The following RELN variants were observed in gnomAD, a reference collection of about 807,000 sequenced individuals.
RELN encodes the protein reelin.
RELN carries 108 observed loss-of-function variants against 427.6 expected under a neutral mutation model. The ratio of observed to expected loss-of-function variants is 0.25; its 90% CI spans 0.22 to 0.30. The LOEUF (loss-of-function observed/expected upper bound fraction) is 0.30, where lower values mean the gene tolerates loss of function less well. Ranked by LOEUF, RELN falls within the 10% of genes least tolerant of loss-of-function variation. The probability of loss-of-function intolerance (pLI) is 1.00; values close to 1 mark genes in which losing one functional copy is unlikely to be tolerated. For missense variants in RELN, 3,715 were observed against 4,302.8 expected (o/e 0.86, Z 3.82); for synonymous variants, 1,524 against 1,513.4 (o/e 1.01, Z -0.16).
intron 4 of RELN, among the ~76,000 whole-genome samples, chr7:103,775,791 A>G (rs1791723038): frequency 6.6e-6 from 1 of 152,230 alleles, no homozygotes; most frequent in Non-Finnish European, 1.5e-5. Context: ...AATGACTTAC[A>G]CGGTAAGCTC....
chr7:103,969,973 AT>A (rs1411781845), intron 1 of RELN, among the ~76,000 whole-genome samples: 1 of 152,064 alleles, frequency 6.6e-6, no homozygotes, highest in African/African-American at 2.4e-5. Flanking sequence ...TTATTTACGA[AT>A]TTATCTGTAA....
chr7:103,771,391 T>C (rs865834044), intron 4 of RELN, among the ~76,000 whole-genome samples: 2 of 152,074 alleles, frequency 1.3e-5, no homozygotes, highest in African/African-American at 4.8e-5. Flanking sequence ...TCCTGCCCAG[T>C]CACTGGTCTT....
intron 3 of RELN, among the ~76,000 whole-genome samples, chr7:103,816,261 C>T (rs140392759): frequency 6.6e-6 from 1 of 152,220 alleles, no homozygotes; most frequent in South Asian, 2.1e-4. Context: ...CACCTGTAAT[C>T]CCAGCTACTC....
chr7:103,590,606 A>T (rs1439146340), intron 27 of RELN, among the ~76,000 whole-genome samples: 1 of 148,744 alleles, frequency 6.7e-6, no homozygotes. Context: ...ATAAATATAA[A>T]ATAAAATCAG....
At chr7:103,776,174 A>G (rs1791737393) in intron 4 of RELN, among the ~76,000 whole-genome samples, 1 of 152,236 alleles carries the variant, frequency 6.6e-6, no homozygotes, top group Non-Finnish European at 1.5e-5. Flanking sequence ...ATAATCATGT[A>G]TAATATGATC....
At chr7:103,801,866 C>T (rs1374546233) in intron 3 of RELN, among the ~76,000 whole-genome samples, 2 of 152,060 alleles carry the variant, frequency 1.3e-5, no homozygotes, top group East Asian at 3.9e-4. Flanking sequence ...GTGTTAGCCA[C>T]AATAATAATT....
intron 11 of RELN, among the ~76,000 whole-genome samples, chr7:103,670,771 A>G (rs1833374132): frequency 6.6e-6 from 1 of 152,078 alleles, no homozygotes; most frequent in South Asian, 2.1e-4. Flanking sequence ...TATTAAGAAT[A>G]TGAACATAGG....
intron 10 of RELN, among the ~76,000 whole-genome samples, chr7:103,688,736 A>G (rs530769725): frequency 6.6e-6 from 1 of 152,220 alleles, no homozygotes; most frequent in African/African-American, 2.4e-5. Flanking sequence ...CTTATTCAGG[A>G]CTGGAGACTT....
chr7:103,613,889 A>C (rs984565337), intron 20 of RELN, among the ~76,000 whole-genome samples: 20 of 152,210 alleles, frequency 1.3e-4, no homozygotes, highest in African/African-American at 4.3e-4. Flanking sequence ...GCATCTTGTA[A>C]ATTTCTCCCT....
chr7:103,579,034 C>T (rs1250168210), intron 28 of RELN, among the ~76,000 whole-genome samples: 1 of 152,226 alleles, frequency 6.6e-6, no homozygotes, highest in African/African-American at 2.4e-5. Flanking sequence ...AAAGCATCTA[C>T]AGCACGCTAG....
At chr7:103,802,229 G>C (rs373605166) in intron 3 of RELN, among the ~76,000 whole-genome samples, 8 of 152,068 alleles carry the variant, frequency 5.3e-5, no homozygotes, top group Admixed American at 3.3e-4. Context: ...TTAGTCACAG[G>C]GTCTTGCAAA....
At chr7:103,614,802 G>C (rs1481452050) in intron 20 of RELN, among the ~76,000 whole-genome samples, 1 of 152,138 alleles carries the variant, frequency 6.6e-6, no homozygotes, top group Non-Finnish European at 1.5e-5. Flanking sequence ...TATCTATCCT[G>C]ATGCCTTAAT....
At chr7:103,508,702 G>A (rs953894189) in intron 51 of RELN, among the ~76,000 whole-genome samples, 1 of 152,194 alleles carries the variant, frequency 6.6e-6, no homozygotes, top group Non-Finnish European at 1.5e-5. Context: ...TAGGAAAAGA[G>A]GAAGTCAAAT....
chr7:103,550,155 T>A (rs759890600), intron 41 of RELN, among the ~76,000 whole-genome samples: 8 of 152,224 alleles, frequency 5.3e-5, no homozygotes, highest in Non-Finnish European at 1.5e-5. Context: ...ATAAAAGTTA[T>A]GCTGATGATA....
At chr7:103,651,043 C>T (rs1832904110) in intron 15 of RELN, among the ~76,000 whole-genome samples, 1 of 152,056 alleles carries the variant, frequency 6.6e-6, no homozygotes, top group Non-Finnish European at 1.5e-5. Flanking sequence ...AGATGTACTG[C>T]TAATTAGCAT....
intron 2 of RELN, among the ~76,000 whole-genome samples, chr7:103,857,134 A>G (rs1793966533): frequency 6.6e-6 from 1 of 152,108 alleles, no homozygotes; most frequent in South Asian, 2.1e-4. Context: ...TGCTTATATC[A>G]TCTGCTCATA....
intron 2 of RELN, among the ~76,000 whole-genome samples, chr7:103,888,628 A>C (rs554821720): frequency 6.6e-6 from 1 of 152,140 alleles, no homozygotes; most frequent in Non-Finnish European, 1.5e-5. Flanking sequence ...CAGAGCCACT[A>C]CTTGCCTGTC....
intron 2 of RELN, among the ~76,000 whole-genome samples, chr7:103,859,153 A>G (rs925712305): frequency 6.6e-6 from 1 of 152,228 alleles, no homozygotes; most frequent in Non-Finnish European, 1.5e-5. Flanking sequence ...ATTAGCTTTA[A>G]TAAGAAAAAT....
intron 1 of RELN, among the ~76,000 whole-genome samples, chr7:103,959,943 C>A (rs144400184): frequency 5.5e-4 from 84 of 152,254 alleles, no homozygotes; most frequent in Non-Finnish European, 8.8e-4. Flanking sequence ...AAATTCAAAT[C>A]TGACATCACC....
Sources: gnomAD v4.1 joint callset for allele counts (sites outside exome capture counted in the v4.1 genomes callset) on GRCh38, gnomAD v4.1.1 for gene constraint, MANE v1.5 for transcripts, NCBI Gene and HGNC (gene_info 2026-07-23, HGNC 2026-07-21) for gene names.